Variants in FOCAD observed in about 807,000 individuals in gnomAD.
FOCAD encodes focadhesin.
In FOCAD, 198 loss-of-function variants were observed where a neutral mutation model predicts 225.6. The observed-to-expected ratio is 0.88, with a 90% CI of 0.78 to 0.99. The LOEUF is 0.99. Among genes scored for constraint, FOCAD ranks in the 50% least tolerant of loss-of-function variants. The pLI is 0.00. For synonymous variants in FOCAD, 897 were observed against 755.0 expected, an observed-to-expected ratio of 1.19 and a Z score of -3.08; for missense variants, 2,713 against 2,123.6, an observed-to-expected ratio of 1.28 and a Z score of -5.46.
intron 28 of FOCAD, among the ~76,000 whole-genome samples, chr9:20,939,766 A>G (rs968237297): frequency 5.8e-5 from 8 of 136,878 alleles, no homozygotes; most frequent in Non-Finnish European, 1.3e-4. Context: ...TTTTTTTTAA[A>G]TTATACTTTA....
In FOCAD at chr9:20,740,269, C is replaced by G. The variant is rs1445934162; in HGVS notation, c.321C>G (p.His107Gln). 6.2e-6 allele frequency: 10 copies of G among 1,611,500 alleles called. No homozygotes were observed. The South Asian group carries it at 7.7e-5, about 12-fold the overall frequency. Residue 107 changes from histidine to glutamine, a missense_variant, in exon 5 of 44, where the codon CAC becomes CAG. Transcript: ENST00000338382. ...NTHGLIKAIM[H>Q]LLQMQALKEG... ...ATGGCTTGATAAAAGCCATTATGCA[C>G]TTACTACAAATGCAAGCTCTTAAGG...
At chr9:20,863,267 T>TTC (rs398040358) in intron 16 of FOCAD, 2 of 152,034 alleles carry the variant, frequency 1.3e-5, no homozygotes, top group African/African-American at 2.4e-5. Context: ...TTTTTTTTTT[T>TTC]CATGCTTACC....
At chr9:20,952,938 G>A (rs779094850) in intron 34 of FOCAD, 47 bp from the exon 35 acceptor site, 1 of 1,454,626 alleles carries the variant, frequency 6.9e-7, no homozygotes, top group Non-Finnish European at 9.6e-7. Flanking sequence ...TCCTTCATTA[G>A]TCCTGCCAAG....
At chr9:20,709,269 A>C (rs1315114471) in intron 1 of FOCAD, among the ~76,000 whole-genome samples, 1 of 152,202 alleles carries the variant, frequency 6.6e-6, no homozygotes, top group Non-Finnish European at 1.5e-5. Flanking sequence ...GTTTAGACAG[A>C]CAAAAAAGGC....
intron 18 of FOCAD, among the ~76,000 whole-genome samples, chr9:20,873,571 A>G (rs1165041574): frequency 6.6e-6 from 1 of 152,132 alleles, no homozygotes; most frequent in Non-Finnish European, 1.5e-5. Flanking sequence ...CTGAATCTGA[A>G]TTAAATCTTG....
At chr9:20,662,585 C>G (rs1173003830) in intron 2 of FOCAD, among the ~76,000 whole-genome samples, 1 of 152,180 alleles carries the variant, frequency 6.6e-6, no homozygotes, top group Non-Finnish European at 1.5e-5. Flanking sequence ...CCCCACTCCC[C>G]AACACGTTTG....
At chr9:20,721,345 G>A (rs761106574) in intron 4 of FOCAD, among the ~76,000 whole-genome samples, 2 of 151,918 alleles carry the variant, frequency 1.3e-5, no homozygotes, top group African/African-American at 2.4e-5. Context: ...TAGTATCATC[G>A]GGCTGAGTAC....
chr9:20,968,813 G>C lies in FOCAD; in HGVS notation c.4133-7607G>C, dbSNP rs1356004086. Among the ~76,000 whole-genome samples, 5 of 151,862 alleles carry C rather than the reference G, an allele frequency of 3.3e-5. No homozygotes were observed. The East Asian group carries it at 9.6e-4, about 29-fold the overall frequency. On this transcript the variant is annotated intron_variant, in intron 35 of 43. Coordinates refer to ENST00000338382, the MANE Select transcript of FOCAD (RefSeq NM_001375567.1). ...CCTTCCTCTACCTTTGGGTATATTT[G>C]CTCTTCTTTTTTAAGTTCTTTGAGG...
chr9:20,824,104 T>C (rs1564034505), intron 15 of FOCAD, among the ~76,000 whole-genome samples: 1 of 152,138 alleles, frequency 6.6e-6, no homozygotes, highest in Non-Finnish European at 1.5e-5. Flanking sequence ...TTTCACATCC[T>C]GTGCCCAATA....
intron 16 of FOCAD, chr9:20,863,079 C>CAAACT (rs1422419350): frequency 1.9e-5 from 3 of 157,620 alleles, no homozygotes; most frequent in African/African-American, 7.2e-5. Context: ...ACAGACTCTC[C>CAAACT]AAACTTTGTG....
intron 1 of FOCAD, among the ~76,000 whole-genome samples, chr9:20,709,301 A>C (rs1392136106): frequency 6.6e-6 from 1 of 152,174 alleles, no homozygotes; most frequent in Non-Finnish European, 1.5e-5. Context: ...TTGGAGATAA[A>C]TCTTTGAAAA....
chr9:20,825,462 T>C (rs1478352892), intron 15 of FOCAD, among the ~76,000 whole-genome samples: 1 of 152,106 alleles, frequency 6.6e-6, no homozygotes, highest in East Asian at 1.9e-4. Flanking sequence ...CATTTGGTAA[T>C]GATTTGTCTA....
chr9:20,974,896 T>TA (rs1840097930), intron 35 of FOCAD, among the ~76,000 whole-genome samples: 2 of 152,160 alleles, frequency 1.3e-5, no homozygotes, highest in South Asian at 4.1e-4. Context: ...CTGATTCTGC[T>TA]ACTTTTTCTG....
intron 11 of FOCAD, among the ~76,000 whole-genome samples, chr9:20,804,640 A>G (rs1822212799): frequency 6.6e-6 from 1 of 152,158 alleles, no homozygotes; most frequent in African/African-American, 2.4e-5. Context: ...TGTGAAACCA[A>G]CCATGCTTCA....
chr9:20,903,152 C>G (rs1442270911), intron 21 of FOCAD, among the ~76,000 whole-genome samples: 2 of 151,898 alleles, frequency 1.3e-5, no homozygotes, highest in Non-Finnish European at 2.9e-5. Context: ...CTTTCCCCAC[C>G]TCCATCTCCT....
chr9:20,908,116 A>G (rs1833139022), intron 22 of FOCAD, among the ~76,000 whole-genome samples: 1 of 152,138 alleles, frequency 6.6e-6, no homozygotes. Context: ...GTTGGGGAAT[A>G]TACAGTTAAC....
intron 11 of FOCAD, among the ~76,000 whole-genome samples, chr9:20,805,683 T>C (rs1822358572): frequency 6.6e-6 from 1 of 152,152 alleles, no homozygotes; most frequent in Non-Finnish European, 1.5e-5. Flanking sequence ...TTCTGTTAGA[T>C]TTCTCATTGT....
In FOCAD at chr9:20,944,745, A is replaced by C. The variant is rs754083435; in HGVS notation, c.3526A>C (p.Ser1176Arg). The C allele has an allele frequency of 1.9e-5, 30 of 1,613,688 alleles. No homozygotes were observed. The South Asian group carries it at 3.3e-4, about 18-fold the overall frequency. ...GAAGCTGTCTGCGCACGTAGATGACAGCGGGAGCCAGAGCAGAACGTTTCA... is the reference window on the plus strand; with the variant it reads ...GAAGCTGTCTGCGCACGTAGATGACCGCGGGAGCCAGAGCAGAACGTTTCA... ...LRKLSAHVDDSGSQSRTFQEV... is the reference protein window; with the variant it reads ...LRKLSAHVDDRGSQSRTFQEV... The change falls in exon 29 of 44, where the codon AGC becomes CGC. Residue 1176 changes from serine to arginine, a missense_variant. Physicochemically the swap from Ser to Arg is moderately radical, Grantham distance 110. Transcript: ENST00000338382.
chr9:20,725,629 G>A (rs946823859), intron 4 of FOCAD, among the ~76,000 whole-genome samples: 1 of 148,968 alleles, frequency 6.7e-6, no homozygotes, highest in African/African-American at 2.6e-5. Flanking sequence ...TGTAAGTCTA[G>A]TCTATAAAAT....
Sources: gnomAD v4.1 joint callset for allele counts (sites outside exome capture counted in the v4.1 genomes callset) on GRCh38, gnomAD v4.1.1 for gene constraint, MANE v1.5 for transcripts, NCBI Gene and HGNC (gene_info 2026-07-23, HGNC 2026-07-21) for gene names.